Variants in XCR1 observed in about 807,000 individuals in gnomAD.
The protein encoded by XCR1 is chemokine XC receptor 1.
For missense variants in XCR1, 356 were observed against 424.2 expected (o/e 0.84, Z 1.41); for synonymous variants, 187 against 188.5 (o/e 0.99, Z 0.06).
intron 4 of XCR1, among the ~76,000 whole-genome samples, chr3:46,064,806 C>T (rs1395107301): frequency 6.6e-6 from 1 of 152,166 alleles, no homozygotes; most frequent in Non-Finnish European, 1.5e-5. Flanking sequence ...GGAAGAGTTA[C>T]CCAGGGCGGG....
intron 1 of XCR1, among the ~76,000 whole-genome samples, chr3:46,024,676 C>G (rs1708252411): frequency 6.6e-6 from 1 of 151,814 alleles, no homozygotes. Flanking sequence ...AGATACACAC[C>G]TTATTTGTTA....
At chr3:46,038,190 G>A (rs1697472415) in intron 5 of XCR1, among the ~76,000 whole-genome samples, 1 of 152,016 alleles carries the variant, frequency 6.6e-6, no homozygotes, top group South Asian at 2.1e-4. Context: ...ACCATGCCTT[G>A]TATTTTTCTG....
At chr3:46,072,340 G>A (rs1197264748) in intron 3 of XCR1, among the ~76,000 whole-genome samples, 14 of 151,932 alleles carry the variant, frequency 9.2e-5, no homozygotes, top group Admixed American at 9.2e-4. Context: ...GCAACATGGT[G>A]AAATCCTGTT....
At position 46,022,647 on chromosome 3, in the gene XCR1, C is replaced by T. The variant is rs990582160; in HGVS notation, c.-31-669G>A. Among the ~76,000 whole-genome samples the T allele has an allele frequency of 4.6e-5, 7 of 152,090 alleles. No individual in the cohort carries two copies. In the East Asian group the frequency reaches 9.6e-4, roughly 21 times the overall value. The stretch of plus-strand genomic sequence containing the variant: ...AATGCCCTTCCTTGGCTGAGGAGTC[C>T]GTTCAGTTAGTTGTGAGGCTTAGAA... On this transcript the variant is annotated intron_variant, in intron 1 of 1. Coordinates refer to ENST00000309285, the MANE Select transcript of XCR1 (RefSeq NM_001024644.2).
intron 4 of XCR1, among the ~76,000 whole-genome samples, chr3:46,061,824 G>A (rs1697968644): frequency 6.6e-6 from 1 of 152,162 alleles, no homozygotes; most frequent in Non-Finnish European, 1.5e-5. Flanking sequence ...TCTGGGCATG[G>A]TGACTGAGAA....
intron 4 of XCR1, among the ~76,000 whole-genome samples, chr3:46,054,555 G>T (rs539858559): frequency 6.6e-6 from 1 of 151,690 alleles, no homozygotes; most frequent in South Asian, 2.1e-4. Context: ...ACGAGGGGGG[G>T]GCGAGTGTGA....
At chr3:46,039,006 G>T (rs1203254338) in intron 5 of XCR1, among the ~76,000 whole-genome samples, 1 of 151,884 alleles carries the variant, frequency 6.6e-6, no homozygotes, top group African/African-American at 2.4e-5. Context: ...AGACTTTCCA[G>T]TTATCTTTGA....
chr3:46,067,566 A>G (rs1698099606), intron 3 of XCR1, among the ~76,000 whole-genome samples: 1 of 152,132 alleles, frequency 6.6e-6, no homozygotes, highest in Non-Finnish European at 1.5e-5. Flanking sequence ...TCCTTGAATA[A>G]CACTCCTCCC....
intron 1 of XCR1, among the ~76,000 whole-genome samples, chr3:46,081,706 TA>T (rs71619625): frequency 0.045 from 6,680 of 149,750 alleles, 195 homozygotes; most frequent in African/African-American, 0.079. Flanking sequence ...TTTTTTTTTT[TA>T]AAAATCTTAT....
chr3:46,074,214 C>CTTTTTTTTTTTT (rs35124592), intron 3 of XCR1, among the ~76,000 whole-genome samples: 1,582 of 86,570 alleles, frequency 0.018, 161 homozygotes, highest in Non-Finnish European at 0.022. Flanking sequence ...TGAAGGCCAT[C>CTTTTTTTTTTTT]TTTTTTTTTT....
intron 1 of XCR1, among the ~76,000 whole-genome samples, chr3:46,078,383 A>G (rs1223869920): frequency 6.6e-6 from 1 of 152,138 alleles, no homozygotes; most frequent in East Asian, 1.9e-4. Flanking sequence ...GTTGAATGTA[A>G]GGTATGAGTC....
At position 46,078,731 on chromosome 3, in the gene XCR1, T is replaced by C. The variant is rs571359461; in HGVS notation, c.-514-1805A>G. On this transcript the variant is annotated intron_variant, in intron 1 of 5. Coordinates refer to the XCR1 transcript ENST00000683768. ...TATTAGTTCTAAACTGAAAAGTGCATGAGAGTGAGTTCTCTTGCTATGGAG... is the reference window on the plus strand; with the variant it reads ...TATTAGTTCTAAACTGAAAAGTGCACGAGAGTGAGTTCTCTTGCTATGGAG... 1.4e-3 allele frequency among the ~76,000 whole-genome samples: 211 copies of C among 152,362 alleles called. 1 individual carries two copies. Among genetic ancestry groups the C allele is most frequent in the African/African-American group, 4.7e-3 (197 of 41,580 alleles).
chr3:46,083,096 T>G (rs1263776057), intron 1 of XCR1, among the ~76,000 whole-genome samples: 2 of 152,162 alleles, frequency 1.3e-5, no homozygotes, highest in African/African-American at 2.4e-5. Context: ...TCAGAATTCT[T>G]TTGTCAAAAA....
intron 4 of XCR1, among the ~76,000 whole-genome samples, chr3:46,065,107 TA>T (rs755049914): frequency 1.4e-5 from 2 of 147,282 alleles, no homozygotes; most frequent in South Asian, 4.3e-4. Context: ...AATAAAGAAA[TA>T]AAAAAAAAGG....
At chr3:46,072,888 A>C (rs1260314715) in intron 3 of XCR1, among the ~76,000 whole-genome samples, 3 of 152,218 alleles carry the variant, frequency 2.0e-5, no homozygotes, top group Non-Finnish European at 2.9e-5. Flanking sequence ...AGGCTATAGT[A>C]ACCAAAACAG....
chr3:46,056,821 GTGTTTGTTTACCTA>G (rs1697861525), intron 4 of XCR1, among the ~76,000 whole-genome samples: 1 of 152,016 alleles, frequency 6.6e-6, no homozygotes, highest in Admixed American at 6.5e-5. Flanking sequence ...AAACACCCAT[GTGTTTGTTTACCTA>G]GGAGTCATCT....
rs774136431 is a variant in XCR1 at position 46,078,557 on chromosome 3, T to A, written c.-514-1631A>T. ...AAAAGGGTAGGGGGAACAGCGTTTTTTCACCTCTGCCTTGGGGAAGGGAGG... is the reference window on the plus strand; with the variant it reads ...AAAAGGGTAGGGGGAACAGCGTTTTATCACCTCTGCCTTGGGGAAGGGAGG... On this transcript the variant is annotated intron_variant, in intron 1 of 5. Transcript: ENST00000683768. 3.3e-4 allele frequency among the ~76,000 whole-genome samples: 51 copies of A among 152,310 alleles called. No homozygotes were observed. In the Middle Eastern group the frequency reaches 0.024, roughly 71 times the overall value.
intron 5 of XCR1, among the ~76,000 whole-genome samples, chr3:46,046,677 T>C (rs1697635086): frequency 6.6e-6 from 1 of 152,176 alleles, no homozygotes; most frequent in Non-Finnish European, 1.5e-5. Context: ...GTTTACAGAC[T>C]ATAAACAGAA....
At chr3:46,070,552 T>A (rs1698147729) in intron 3 of XCR1, among the ~76,000 whole-genome samples, 1 of 152,078 alleles carries the variant, frequency 6.6e-6, no homozygotes, top group African/African-American at 2.4e-5. Context: ...CTTGGGTTTT[T>A]TTAAGGTGTG....
Sources: gnomAD v4.1 joint callset for allele counts (sites outside exome capture counted in the v4.1 genomes callset) on GRCh38, gnomAD v4.1.1 for gene constraint, MANE v1.5 for transcripts, NCBI Gene and HGNC (gene_info 2026-07-23, HGNC 2026-07-21) for gene names.